The following FARS2 variants were observed in gnomAD, a reference collection of about 807,000 sequenced individuals.
The protein encoded by FARS2 is phenylalanine--tRNA ligase, mitochondrial.
Under a neutral mutation model 46.4 loss-of-function variants are expected in FARS2, and 40 were observed. The observed-to-expected ratio is 0.86, with a 90% CI of 0.67 to 1.12. The LOEUF is 1.12. Ranked by LOEUF, FARS2 falls within the 50% of genes most tolerant of loss-of-function variation. The pLI is 0.00. For synonymous variants in FARS2, 234 were observed against 214.9 expected (o/e 1.09, Z -0.78); for missense variants, 513 against 567.9 (o/e 0.90, Z 0.98).
intron 4 of FARS2, among the ~76,000 whole-genome samples, chr6:5,449,619 A>C (rs1470440116): frequency 1.3e-5 from 2 of 152,156 alleles, no homozygotes; most frequent in South Asian, 2.1e-4. Context: ...TATTTGCTGA[A>C]TACCTGGTAG....
At chr6:5,345,196 A>G (rs188778710) in intron 1 of FARS2, among the ~76,000 whole-genome samples, 5,995 of 141,656 alleles carry the variant, frequency 0.042, 358 homozygotes, top group African/African-American at 0.14. Flanking sequence ...AAATAATAGT[A>G]TAATAAAAAA....
chr6:5,336,698 A>G (rs4959337), intron 1 of FARS2, among the ~76,000 whole-genome samples: 29,565 of 152,020 alleles, frequency 0.19, 3,409 homozygotes, highest in East Asian at 0.5. Context: ...GTTACTGACT[A>G]TATTCACCCT....
At chr6:5,288,004 C>T (rs1478139746) in intron 1 of FARS2, among the ~76,000 whole-genome samples, 2 of 152,192 alleles carry the variant, frequency 1.3e-5, no homozygotes, top group East Asian at 1.9e-4. Flanking sequence ...CTTTTCCTCT[C>T]CCTTCTGTCA....
upstream of FARS2, chr6:5,260,614 CCCCG>C: frequency 6.8e-7 from 1 of 1,467,236 alleles, no homozygotes; most frequent in Non-Finnish European, 9.1e-7. Flanking sequence ...GCCCCTGGCC[CCCCG>C]CCCCCGGCCC....
intron 6 of FARS2, among the ~76,000 whole-genome samples, chr6:5,640,935 C>T (rs1180246637): frequency 6.6e-6 from 1 of 152,156 alleles, no homozygotes; most frequent in Non-Finnish European, 1.5e-5. Flanking sequence ...CTTATCTTGG[C>T]CCTAATCAAC....
intron 6 of FARS2, among the ~76,000 whole-genome samples, chr6:5,668,381 C>G (rs1778253379): frequency 6.6e-6 from 1 of 152,216 alleles, no homozygotes; most frequent in Non-Finnish European, 1.5e-5. Flanking sequence ...TCGGGAATGA[C>G]TATTGGACAC....
intron 6 of FARS2, among the ~76,000 whole-genome samples, chr6:5,742,617 T>G (rs550390539): frequency 8.5e-5 from 13 of 152,126 alleles, no homozygotes; most frequent in African/African-American, 2.7e-4. Context: ...GTTTTCTTGG[T>G]TTGGTTGTTT....
At position 5,368,669 on chromosome 6, in the gene FARS2, A is replaced by T; in HGVS notation, c.99A>T (p.Gly33=). The T allele has an allele frequency of 6.2e-7, 1 of 1,614,160 alleles. No individual in the cohort carries two copies. The highest frequency in any genetic ancestry group is 8.5e-7 in the Non-Finnish European group (1 of 1,180,020). ...GAGGCCATCAGCACCAGGCCTGGGGATCGAGGCCTCCTGCAGCAGAGTGTG... is the reference window on the plus strand; with the variant it reads ...GAGGCCATCAGCACCAGGCCTGGGGTTCGAGGCCTCCTGCAGCAGAGTGTG... ...ISRGHQHQAW[G]SRPPAAECAT... is the part of the protein sequence containing the mutation. The change falls in exon 2 of 7, where the codon GGA becomes GGT. Residue 33 remains glycine (G), a synonymous_variant. Coordinates refer to ENST00000274680, the MANE Select transcript of FARS2 (RefSeq NM_006567.5).
intron 3 of FARS2, among the ~76,000 whole-genome samples, chr6:5,411,417 A>G (rs1046708712): frequency 7.2e-5 from 11 of 152,280 alleles, no homozygotes; most frequent in African/African-American, 2.6e-4. Context: ...TAAAGCCTCC[A>G]TTTACTACAT....
chr6:5,412,120 C>G (rs1368314106), intron 3 of FARS2, among the ~76,000 whole-genome samples: 1 of 152,112 alleles, frequency 6.6e-6, no homozygotes, highest in Non-Finnish European at 1.5e-5. Context: ...GTTAAAAGAC[C>G]TGTGGTGGTC....
chr6:5,651,939 G>A (rs1777388629), intron 6 of FARS2, among the ~76,000 whole-genome samples: 1 of 152,132 alleles, frequency 6.6e-6, no homozygotes, highest in Non-Finnish European at 1.5e-5. Flanking sequence ...CCAAGCTGAT[G>A]ACAAGTTAAC....
chr6:5,360,317 C>T (rs929308623), intron 1 of FARS2, among the ~76,000 whole-genome samples: 10 of 152,242 alleles, frequency 6.6e-5, no homozygotes, highest in African/African-American at 2.2e-4. Flanking sequence ...ATGGAAGAAG[C>T]AGTTTCTTTG....
chr6:5,708,023 A>C (rs2150896128), intron 6 of FARS2, among the ~76,000 whole-genome samples: 1 of 152,332 alleles, frequency 6.6e-6, no homozygotes, highest in East Asian at 1.9e-4. Flanking sequence ...TTGGAGAATA[A>C]GCAAGAATTC....
Position 5,456,094 on chromosome 6 carries a change from T to C in FARS2, c.904+24922T>C, listed in dbSNP as rs562990841. On this transcript the variant is annotated intron_variant, in intron 4 of 6. Coordinates refer to ENST00000274680, the MANE Select transcript of FARS2 (RefSeq NM_006567.5). ...AGCCAGGCACATTAGCGTGCATCTGTAGTCCAGCTACTTGGAGGGCTGAGG... is the reference window on the plus strand; with the variant it reads ...AGCCAGGCACATTAGCGTGCATCTGCAGTCCAGCTACTTGGAGGGCTGAGG... 8.5e-5 allele frequency among the ~76,000 whole-genome samples: 13 copies of C among 152,102 alleles called. No individual in the cohort carries two copies. The South Asian group carries it at 2.5e-3, about 29-fold the overall frequency.
intron 1 of FARS2, among the ~76,000 whole-genome samples, chr6:5,264,963 T>C (rs531854838): frequency 8.5e-5 from 12 of 141,620 alleles, no homozygotes; most frequent in African/African-American, 2.9e-4. Flanking sequence ...CTGGCAGATT[T>C]TTAAGTGTTT....
rs74772323 is a variant in FARS2, at chr6:5,280,355, T to C, written c.-22+18695T>C. Among the ~76,000 whole-genome samples the C allele has an allele frequency of 1.2e-3, 180 of 152,324 alleles. 4 individuals are homozygous for C. The East Asian group carries it at 0.03, about 25-fold the overall frequency. ...GTAACAAAATTAATTGCTCTTTCTG[T>C]ACATGCCCACTCAGAAGTTGGTGCT... On this transcript the variant is annotated intron_variant, in intron 1 of 6. Transcript: ENST00000274680.
At chr6:5,627,663 G>T (rs1776101088) in intron 6 of FARS2, among the ~76,000 whole-genome samples, 1 of 152,100 alleles carries the variant, frequency 6.6e-6, no homozygotes, top group South Asian at 2.1e-4. Flanking sequence ...TCAATTACTG[G>T]GTCTTTAGCT....
At chr6:5,252,595 T>C in the FARS2 span, among the ~76,000 whole-genome samples, 1 of 152,180 alleles carries the variant, frequency 6.6e-6, no homozygotes. Flanking sequence ...CTTCCCACCG[T>C]TTTCTCTCTG....
intron 6 of FARS2, among the ~76,000 whole-genome samples, chr6:5,621,442 T>TA (rs1043806814): frequency 6.6e-6 from 1 of 152,006 alleles, no homozygotes; most frequent in African/African-American, 2.4e-5. Flanking sequence ...GAAATAGCAA[T>TA]AAAAAATATG....
Sources: allele counts gnomAD v4.1 joint callset (sites outside exome capture counted in the v4.1 genomes callset), GRCh38; gene constraint gnomAD v4.1.1; transcripts MANE v1.5; gene names NCBI Gene and HGNC (gene_info 2026-07-23, HGNC 2026-07-21).